LPAR3: variants seen among roughly 807,000 people sequenced by gnomAD.
LPAR3 encodes the protein LPA receptor 3.
Under a neutral mutation model 17.8 loss-of-function variants are expected in LPAR3, and 7 were observed. The observed-to-expected ratio is 0.39, with a 90% CI of 0.22 to 0.74. The LOEUF (loss-of-function observed/expected upper bound fraction) is 0.74, where lower values mean the gene tolerates loss of function less well. Ranked by LOEUF, LPAR3 falls within the 30% of genes least tolerant of loss-of-function variation. The pLI, the probability that LPAR3 is intolerant of heterozygous loss-of-function variation, is 0.40. For synonymous variants in LPAR3, 179 were observed against 179.9 expected, an observed-to-expected ratio of 0.99 and a Z score of 0.04; for missense variants, 391 against 453.4, an observed-to-expected ratio of 0.86 and a Z score of 1.25.
intron 2 of LPAR3, among the ~76,000 whole-genome samples, chr1:84,836,965 G>T (rs1659416649): frequency 6.6e-6 from 1 of 151,332 alleles, no homozygotes; most frequent in Admixed American, 6.6e-5. Context: ...ATACCCAAAA[G>T]CCTTATATTC....
chr1:84,836,338 TAA>T (rs77497063), intron 2 of LPAR3, among the ~76,000 whole-genome samples: 22 of 129,054 alleles, frequency 1.7e-4, no homozygotes, highest in African/African-American at 1.2e-4. Flanking sequence ...ATCCTGTCTT[TAA>T]AAAAAAAAAA....
chr1:84,870,026 A>G (rs7512497), intron 1 of LPAR3, among the ~76,000 whole-genome samples: 49,353 of 152,156 alleles, frequency 0.32, 9,101 homozygotes, highest in South Asian at 0.44. Flanking sequence ...CGTTATCTAC[A>G]GATTATCATA....
intron 2 of LPAR3, among the ~76,000 whole-genome samples, chr1:84,825,110 C>T (rs1659131550): frequency 1.3e-5 from 2 of 152,200 alleles, no homozygotes. Context: ...AGGGTCCTGT[C>T]TGCTGTTACA....
At chr1:84,857,127 G>A (rs1052051476) in intron 2 of LPAR3, among the ~76,000 whole-genome samples, 1 of 152,086 alleles carries the variant, frequency 6.6e-6, no homozygotes, top group East Asian at 1.9e-4. Flanking sequence ...TATAAAATCT[G>A]CCATCATGAT....
chr1:84,813,158 T>TATATATAG lies in LPAR3; in HGVS notation c.*687_*688insCTATATAT, dbSNP rs1206774677. On this transcript the variant is annotated 3_prime_UTR_variant, in exon 3 of 3. Transcript: ENST00000370611. Reference sequence around the variant, plus strand: ...ATATATATATATATATATATATATATAGACACACACACACACACACACACA... The same window carrying TATATATAG: ...ATATATATATATATATATATATATATATATATAGAGACACACACACACACACACACACA... 3 of 101,696 alleles carry TATATATAG rather than the reference T, an allele frequency of 2.9e-5. No individual in the cohort carries two copies. The highest frequency in any genetic ancestry group is 1.1e-4 in the African/African-American group (3 of 27,198). The allele number at this position is 101,696 out of a possible 1,614,324, so 6.3% of individuals were successfully genotyped here.
chr1:84,880,885 G>T (rs553055268), intron 1 of LPAR3, among the ~76,000 whole-genome samples: 6 of 152,182 alleles, frequency 3.9e-5, no homozygotes, highest in African/African-American at 1.4e-4. Context: ...CTTCTGGGAG[G>T]CCCCACCCAG....
chr1:84,874,965 T>A (rs913460075), intron 1 of LPAR3, among the ~76,000 whole-genome samples: 1 of 151,366 alleles, frequency 6.6e-6, no homozygotes, highest in African/African-American at 2.4e-5. Context: ...AGTGGTACGA[T>A]CTTGGCTCAC....
chr1:84,845,860 T>A (rs1220446735), intron 2 of LPAR3, among the ~76,000 whole-genome samples: 2 of 152,194 alleles, frequency 1.3e-5, no homozygotes, highest in Non-Finnish European at 2.9e-5. Context: ...CTTTATCCAC[T>A]GGGAAGTTTC....
chr1:84,872,449 C>CT (rs1557606261), intron 1 of LPAR3, among the ~76,000 whole-genome samples: 3 of 152,094 alleles, frequency 2.0e-5, no homozygotes, highest in Non-Finnish European at 4.4e-5. Flanking sequence ...AGACCTCTCT[C>CT]TATTAGTATG....
At chr1:84,882,921 A>C (rs1010816461) in intron 1 of LPAR3, among the ~76,000 whole-genome samples, 3 of 152,272 alleles carry the variant, frequency 2.0e-5, no homozygotes, top group Non-Finnish European at 4.4e-5. Context: ...CCAACAAGTT[A>C]GTTATCTTCT....
rs1309534301 is a variant in LPAR3 at position 84,814,124 on chromosome 1, C to T, written c.784G>A (p.Asp262Asn). Residue 262 changes from aspartate (D) to asparagine (N), a missense_variant, in exon 3 of 3, where the codon GAC becomes AAC. Transcript: ENST00000370611. Reference sequence around the variant, plus strand: ...CCACACTGCCTGCAGTTCAGGCCGTCGAGGAGCAGAACCACCAGGCCCGGG... The same window carrying T: ...CCACACTGCCTGCAGTTCAGGCCGTTGAGGAGCAGAACCACCAGGCCCGGG... Reference protein sequence around the residue: ...WTPGLVVLLLDGLNCRQCGVQ... With the variant: ...WTPGLVVLLLNGLNCRQCGVQ... 5.6e-6 allele frequency: 9 copies of T among 1,614,004 alleles called. No individual in the cohort carries two copies. Among genetic ancestry groups the T allele is most frequent in the East Asian group, 4.5e-5 (2 of 44,886 alleles).
intron 2 of LPAR3, among the ~76,000 whole-genome samples, chr1:84,833,550 A>G (rs1234739458): frequency 2.6e-5 from 4 of 152,192 alleles, no homozygotes; most frequent in Non-Finnish European, 2.9e-5. Flanking sequence ...GTGGGGTCTG[A>G]TATTTGAAAA....
intron 2 of LPAR3, among the ~76,000 whole-genome samples, chr1:84,851,972 C>G (rs962626079): frequency 1.3e-5 from 2 of 151,900 alleles, no homozygotes; most frequent in Non-Finnish European, 2.9e-5. Context: ...CGGAGATGAC[C>G]GTTAGCAACA....
intron 2 of LPAR3, among the ~76,000 whole-genome samples, chr1:84,860,217 C>G (rs1659912694): frequency 6.6e-6 from 1 of 152,178 alleles, no homozygotes; most frequent in African/African-American, 2.4e-5. Context: ...ATCACTACCA[C>G]CACTACCCTC....
At chr1:84,864,054 T>C (rs1570892664) in intron 2 of LPAR3, among the ~76,000 whole-genome samples, 1 of 151,558 alleles carries the variant, frequency 6.6e-6, no homozygotes, top group Non-Finnish European at 1.5e-5. Flanking sequence ...TCTAAAAAAA[T>C]TACAAAAATT....
intron 2 of LPAR3, among the ~76,000 whole-genome samples, chr1:84,817,292 C>CACACACACA (rs1553146257): frequency 6.7e-6 from 1 of 148,436 alleles, no homozygotes; most frequent in African/African-American, 2.5e-5. Flanking sequence ...CACACACACA[C>CACACACACA]CCCTCACTTT....
chr1:84,834,574 T>C (rs929628599), intron 2 of LPAR3, among the ~76,000 whole-genome samples: 2 of 152,184 alleles, frequency 1.3e-5, no homozygotes, highest in Non-Finnish European at 2.9e-5. Flanking sequence ...ATGTATTTCA[T>C]GGGGCCTTTG....
At chr1:84,827,838 A>T (rs1407407699) in intron 2 of LPAR3, among the ~76,000 whole-genome samples, 1 of 152,186 alleles carries the variant, frequency 6.6e-6, no homozygotes, top group East Asian at 1.9e-4. Flanking sequence ...AGGTGCTAAA[A>T]GATTGTTTTA....
At chr1:84,829,349 T>C (rs899645759) in intron 2 of LPAR3, among the ~76,000 whole-genome samples, 8 of 151,916 alleles carry the variant, frequency 5.3e-5, no homozygotes, top group Non-Finnish European at 2.9e-5. Flanking sequence ...GAGTCTGGAA[T>C]GGGGCCCAAG....
Sources: gnomAD v4.1 joint callset for allele counts (sites outside exome capture counted in the v4.1 genomes callset) on GRCh38, gnomAD v4.1.1 for gene constraint, MANE v1.5 for transcripts, NCBI Gene and HGNC (gene_info 2026-07-23, HGNC 2026-07-21) for gene names.